The following AGAP1 variants were observed in gnomAD, a reference collection of about 807,000 sequenced individuals.
AGAP1 encodes arf-GAP with GTPase, ANK repeat and PH domain-containing protein 1.
A neutral mutation model predicts 105.3 loss-of-function variants in AGAP1; 29 were observed. That is an observed-to-expected ratio of 0.28 (90% CI 0.21 to 0.38). The LOEUF (loss-of-function observed/expected upper bound fraction) is 0.38, where lower values mean the gene tolerates loss of function less well. Ranked by LOEUF, AGAP1 falls within the 10% of genes least tolerant of loss-of-function variation. AGAP1 has a pLI of 1.00. For missense variants in AGAP1, 998 were observed against 1,165.1 expected (o/e 0.86, Z 2.09); for synonymous variants, 509 against 485.9 (o/e 1.05, Z -0.63).
intron 1 of AGAP1, among the ~76,000 whole-genome samples, chr2:235,637,434 A>G (rs908813211): frequency 6.6e-6 from 1 of 150,724 alleles, no homozygotes; most frequent in Non-Finnish European, 1.5e-5. Context: ...CACCATGCCT[A>G]GCTAATTGTA....
At chr2:236,021,025 G>T (rs1411793258) in intron 13 of AGAP1, among the ~76,000 whole-genome samples, 2 of 152,050 alleles carry the variant, frequency 1.3e-5, no homozygotes, top group African/African-American at 4.8e-5. Flanking sequence ...AATTAGCTGG[G>T]CATGGTGGTG....
intron 1 of AGAP1, among the ~76,000 whole-genome samples, chr2:235,548,653 T>TC (rs200356388): frequency 0.12 from 5,949 of 49,984 alleles, 158 homozygotes; most frequent in Middle Eastern, 0.37. Context: ...AACTCCGTCT[T>TC]CAAAAAAAAA....
chr2:235,530,084 C>T (rs1347074606), intron 1 of AGAP1, among the ~76,000 whole-genome samples: 1 of 152,116 alleles, frequency 6.6e-6, no homozygotes, highest in Non-Finnish European at 1.5e-5. Flanking sequence ...CCCCTGCTGT[C>T]CCAAAACTGA....
At chr2:235,522,268 C>T (rs533508537) in intron 1 of AGAP1, among the ~76,000 whole-genome samples, 30 of 152,150 alleles carry the variant, frequency 2.0e-4, no homozygotes, top group African/African-American at 7.2e-4. Context: ...AATGTCACGT[C>T]GGTTGAGGAT....
At chr2:236,093,943 C>G (rs1260066720) in intron 16 of AGAP1, among the ~76,000 whole-genome samples, 3 of 152,134 alleles carry the variant, frequency 2.0e-5, no homozygotes, top group African/African-American at 7.2e-5. Context: ...CTTTTTAGAG[C>G]ACTTTTCACA....
In AGAP1 at chr2:235,746,377, CTTTTTTTTTTTTTTTTTTTTT is replaced by C. The variant is rs1172393048; in HGVS notation, c.538+1552_538+1572del. Among the ~76,000 whole-genome samples, 26 of 55,550 alleles carry C rather than the reference CTTTTTTTTTTTTTTTTTTTTT, an allele frequency of 4.7e-4. 1 individual carries two copies. The highest frequency in any genetic ancestry group is 1.9e-3 in the African/African-American group (24 of 12,474). 36.4% of individuals were successfully genotyped at this position (55,550 alleles called of 152,430 possible). Reference sequence around the variant, plus strand: ...GCTTCCTGGAGAGCACCTCCCCCAACTTTTTTTTTTTTTTTTTTTTTTTTTTTTTTTTTTAAAGCGTACGTG... The same window carrying C: ...GCTTCCTGGAGAGCACCTCCCCCAACTTTTTTTTTTTTTAAAGCGTACGTG... On this transcript the variant is annotated intron_variant, in intron 5 of 17. Coordinates refer to ENST00000304032, the MANE Select transcript of AGAP1 (RefSeq NM_001037131.3).
rs180902711 is a variant in AGAP1, at chr2:236,045,251, C to T, written c.1892-3808C>T. On this transcript the variant is annotated intron_variant, in intron 15 of 17. Transcript: ENST00000304032. This position sits in a 1 kb window ranked among gnomAD's most constrained non-coding sequence, Gnocchi z 6.9. ...TATTTTTTCCTGCTTGGTCTGTCCT[C>T]ATAGAATCTACGTCCTGCATTTCTG... 2.7e-4 allele frequency among the ~76,000 whole-genome samples: 41 copies of T among 152,258 alleles called. 1 individual carries two copies. The South Asian group carries it at 2.9e-3, about 11-fold the overall frequency.
intron 3 of AGAP1, among the ~76,000 whole-genome samples, chr2:235,722,345 T>C (rs1951429245): frequency 6.6e-6 from 1 of 152,232 alleles, no homozygotes; most frequent in African/African-American, 2.4e-5. Context: ...TGTGCACAGT[T>C]GTTCTGATTT....
Position 236,090,378 on chromosome 2 carries a change from C to T in AGAP1, c.2115-29814C>T, listed in dbSNP as rs1397571020. Among the ~76,000 whole-genome samples the T allele has an allele frequency of 6.6e-6, 1 of 152,208 alleles. No homozygotes were observed. Among genetic ancestry groups the T allele is most frequent in the African/African-American group, 2.4e-5 (1 of 41,456 alleles). On this transcript the variant is annotated intron_variant, in intron 16 of 17. Coordinates refer to ENST00000304032, the MANE Select transcript of AGAP1 (RefSeq NM_001037131.3). This position sits in a 1 kb window ranked among gnomAD's most constrained non-coding sequence, Gnocchi z 4.3. ...TTACTTCTCTCTGGTTTTTGAGACG[C>T]ACACTCAAGAGTCACAAATTAGAAA...
At position 235,962,444 on chromosome 2, in the gene AGAP1, G is replaced by A. The variant is rs560053292; in HGVS notation, c.1484-6018G>A. Among the ~76,000 whole-genome samples the A allele has an allele frequency of 3.3e-5, 5 of 152,272 alleles. No individual in the cohort carries two copies. The highest frequency in any genetic ancestry group is 9.6e-5 in the African/African-American group (4 of 41,562). On this transcript the variant is annotated intron_variant, in intron 12 of 17. Transcript: ENST00000304032. This position sits in a 1 kb window ranked among gnomAD's most constrained non-coding sequence, Gnocchi z 5.3. ...GCCCGGCTGTATAAGAAAAACCGTG[G>A]GATGTGAGCGGGTTGGACGTCAGAT...
chr2:235,947,076 T>G (rs2125244170), intron 12 of AGAP1, among the ~76,000 whole-genome samples: 1 of 152,324 alleles, frequency 6.6e-6, no homozygotes, highest in Admixed American at 6.5e-5. Context: ...TTTTTTCTGG[T>G]TTTTATTTTG....
At chr2:236,016,957 C>T (rs539437870) in intron 13 of AGAP1, among the ~76,000 whole-genome samples, 1 of 151,982 alleles carries the variant, frequency 6.6e-6, no homozygotes, top group African/African-American at 2.4e-5. Flanking sequence ...AACATGTGTA[C>T]ACATACAATC....
intron 1 of AGAP1, among the ~76,000 whole-genome samples, chr2:235,605,909 T>C (rs1945918431): frequency 6.6e-6 from 1 of 152,204 alleles, no homozygotes; most frequent in South Asian, 2.1e-4. Context: ...TGAACAGCAC[T>C]CCGGTTGCTT....
In AGAP1 at chr2:235,883,102, CATT is replaced by C. The variant is rs2050112640; in HGVS notation, c.1051-240_1051-238del. On this transcript the variant is annotated intron_variant, in intron 9 of 17. Transcript: ENST00000304032. The surrounding 1 kb of genome is among the most constrained non-coding windows in gnomAD (Gnocchi z 4.5). ...CAGCCTGGGGTTTCTTTCTTTAAAA[CATT>C]ATACCTTTAGGTGTTTCCTGTGTGT... 6.6e-6 allele frequency among the ~76,000 whole-genome samples: 1 copy of C among 152,122 alleles called. No individual in the cohort carries two copies. The highest frequency in any genetic ancestry group is 6.6e-5 in the Admixed American group (1 of 15,266).
chr2:235,540,855 CTGGTATTTTGGGGGCA>C (rs1195382553), intron 1 of AGAP1, among the ~76,000 whole-genome samples: 1 of 152,112 alleles, frequency 6.6e-6, no homozygotes, highest in African/African-American at 2.4e-5. Context: ...TACGTGACTT[CTGGTATTTTGGGGGCA>C]TGGAATCAAA....
At chr2:235,863,892 A>G (rs2049037592) in intron 9 of AGAP1, among the ~76,000 whole-genome samples, 1 of 152,232 alleles carries the variant, frequency 6.6e-6, no homozygotes, top group African/African-American at 2.4e-5. Context: ...GTTGCCAGGA[A>G]TGGAAAAGAG....
In AGAP1 at chr2:235,888,249, T is replaced by C. The variant is rs532314042; in HGVS notation, c.1155+4800T>C. Among the ~76,000 whole-genome samples, 1 of 152,192 alleles carries C rather than the reference T, an allele frequency of 6.6e-6. No individual in the cohort carries two copies. The highest frequency in any genetic ancestry group is 2.1e-4 in the South Asian group (1 of 4,810). ...GAGGATCTCAGGATTATTTGTTCTT[T>C]AGGATCAAACCGAGAAGGTGGAATC... is the stretch of plus-strand genomic sequence containing the variant. On this transcript the variant is annotated intron_variant, in intron 10 of 17. Transcript: ENST00000304032. The surrounding 1 kb of genome is among the most constrained non-coding windows in gnomAD (Gnocchi z 4.8).
At chr2:236,122,653 A>G (rs1256075219) in intron 17 of AGAP1, among the ~76,000 whole-genome samples, 1 of 150,262 alleles carries the variant, frequency 6.7e-6, no homozygotes, top group East Asian at 1.9e-4. Context: ...GAGGACATAC[A>G]TCCGGGCACT....
intron 13 of AGAP1, among the ~76,000 whole-genome samples, chr2:236,010,347 A>T (rs2056468187): frequency 1.3e-5 from 2 of 152,210 alleles, no homozygotes; most frequent in Admixed American, 1.3e-4. Flanking sequence ...CTTTGAAAAG[A>T]TCGTGACTGT....
Sources: allele counts gnomAD v4.1 joint callset (sites outside exome capture counted in the v4.1 genomes callset), GRCh38; gene constraint gnomAD v4.1.1; non-coding constraint Gnocchi (gnomAD v3.1); transcripts MANE v1.5; gene names NCBI Gene and HGNC (gene_info 2026-07-23, HGNC 2026-07-21).